The following CDH12 variants were observed in gnomAD, a reference collection of about 807,000 sequenced individuals.
CDH12 encodes cadherin 12, also known as cadherin-12.
In CDH12, 41 loss-of-function variants were observed where a neutral mutation model predicts 74.1. The observed-to-expected ratio is 0.55, with a 90% CI of 0.43 to 0.72. CDH12 has a LOEUF of 0.72. CDH12 is among the 30% of genes least tolerant of loss of function. CDH12 has a pLI of 0.00. For missense variants in CDH12, 945 were observed against 977.2 expected (o/e 0.97, Z 0.44); for synonymous variants, 399 against 355.0 (o/e 1.12, Z -1.39).
intron 3 of CDH12, among the ~76,000 whole-genome samples, chr5:22,241,481 C>G (rs1434620996): frequency 6.6e-6 from 1 of 151,904 alleles, no homozygotes; most frequent in Non-Finnish European, 1.5e-5. Flanking sequence ...AATTAGATTA[C>G]ACAAATATTT....
intron 2 of CDH12, among the ~76,000 whole-genome samples, chr5:22,428,499 T>C (rs139857334): frequency 5.3e-4 from 81 of 152,082 alleles, no homozygotes; most frequent in African/African-American, 1.9e-3. Context: ...GAGAAAGAGA[T>C]GTTGAAACTA....
In CDH12 at chr5:22,212,658, A is replaced by G; in HGVS notation, c.-332-15T>C. On this transcript the variant is annotated splice_polypyrimidine_tract_variant and intron_variant, in intron 3 of 14. Coordinates refer to ENST00000382254, the MANE Select transcript of CDH12 (RefSeq NM_004061.5). Reference sequence around the variant, plus strand: ...CTCCTCACTGTCTAAGGAGAGAAAAACATCAGCTGAAATCCTCCGAGGTTC... The same window carrying G: ...CTCCTCACTGTCTAAGGAGAGAAAAGCATCAGCTGAAATCCTCCGAGGTTC... 1.1e-6 allele frequency: 1 copy of G among 926,142 alleles called. No homozygotes were observed. 57.4% of individuals were successfully genotyped at this position (926,142 alleles called of 1,614,324 possible).
chr5:21,933,297 GA>G (rs2150083010), intron 6 of CDH12, among the ~76,000 whole-genome samples: 1 of 152,108 alleles, frequency 6.6e-6, no homozygotes, highest in East Asian at 1.9e-4. Flanking sequence ...TTAAATATGA[GA>G]CTAATAGGCT....
At chr5:22,315,411 T>A (rs1738590193) in intron 3 of CDH12, among the ~76,000 whole-genome samples, 1 of 152,098 alleles carries the variant, frequency 6.6e-6, no homozygotes, top group African/African-American at 2.4e-5. Flanking sequence ...TGTCTATTCA[T>A]TTCTATAAAT....
chr5:22,004,602 C>A (rs1736827065), intron 5 of CDH12, among the ~76,000 whole-genome samples: 1 of 152,166 alleles, frequency 6.6e-6, no homozygotes, highest in South Asian at 2.1e-4. Flanking sequence ...TTCTTTCAGT[C>A]CACATTGTTG....
intron 11 of CDH12, among the ~76,000 whole-genome samples, chr5:21,772,893 C>T (rs575944521): frequency 6.6e-6 from 1 of 152,076 alleles, no homozygotes; most frequent in African/African-American, 2.4e-5. Flanking sequence ...ATAAGCCTGG[C>T]ATTATAGTTG....
intron 5 of CDH12, among the ~76,000 whole-genome samples, chr5:22,037,448 A>C (rs1333989169): frequency 2.0e-5 from 3 of 152,194 alleles, no homozygotes; most frequent in Admixed American, 6.5e-5. Flanking sequence ...GTATTCAGGC[A>C]ACCCTTGTTT....
intron 2 of CDH12, among the ~76,000 whole-genome samples, chr5:22,479,084 T>A (rs1363120586): frequency 6.6e-6 from 1 of 152,214 alleles, no homozygotes; most frequent in Non-Finnish European, 1.5e-5. Context: ...AATAGATTCA[T>A]ATTTCAGATA....
chr5:22,242,956 C>T (rs1213772535), intron 3 of CDH12, among the ~76,000 whole-genome samples: 1 of 151,930 alleles, frequency 6.6e-6, no homozygotes, highest in Non-Finnish European at 1.5e-5. Context: ...ATTCCCCATC[C>T]CCGCTTTTTT....
intron 1 of CDH12, among the ~76,000 whole-genome samples, chr5:22,796,748 T>C (rs1045955727): frequency 6.9e-6 from 1 of 145,716 alleles, no homozygotes; most frequent in Admixed American, 6.9e-5. Context: ...TCTCGATCTC[T>C]TGACCTCGTG....
intron 11 of CDH12, among the ~76,000 whole-genome samples, chr5:21,781,100 G>A (rs912471463): frequency 3.3e-5 from 5 of 152,080 alleles, no homozygotes; most frequent in East Asian, 1.9e-4. Flanking sequence ...GAAAGAAGAC[G>A]GCAAGGCAGA....
chr5:22,154,238 G>C (rs1747846819), intron 4 of CDH12, among the ~76,000 whole-genome samples: 1 of 151,022 alleles, frequency 6.6e-6, no homozygotes, highest in Admixed American at 6.6e-5. Flanking sequence ...TTTTTGTGTA[G>C]TGAGAACATT....
intron 3 of CDH12, among the ~76,000 whole-genome samples, chr5:22,323,276 T>C (rs12522551): frequency 0.011 from 1,650 of 152,262 alleles, 91 homozygotes; most frequent in Admixed American, 0.085. Flanking sequence ...TCCTGTTATA[T>C]ATAATTCATA....
chr5:22,419,597 G>A lies in CDH12; in HGVS notation c.-427-14246C>T, dbSNP rs149663449. Among the ~76,000 whole-genome samples the A allele has an allele frequency of 8.7e-3, 1,319 of 152,218 alleles. 11 individuals are homozygous for A. The highest frequency in any genetic ancestry group is 0.011 in the South Asian group (55 of 4,822). The stretch of plus-strand genomic sequence containing the variant: ...CCATGCCTTTGTTATTGTAAATAGC[G>A]CTGCAGTGAACATACATGTGCTTGT... On this transcript the variant is annotated intron_variant, in intron 2 of 14. Coordinates refer to ENST00000382254, the MANE Select transcript of CDH12 (RefSeq NM_004061.5).
chr5:21,882,574 C>A, intron 6 of CDH12: 2 of 1,512,718 alleles, frequency 1.3e-6, no homozygotes, highest in Non-Finnish European at 1.8e-6. Flanking sequence ...TGCCCTGCAG[C>A]CGCCCCACAG....
intron 1 of CDH12, among the ~76,000 whole-genome samples, chr5:22,587,584 A>T (rs1740466610): frequency 6.6e-6 from 1 of 152,182 alleles, no homozygotes; most frequent in Admixed American, 6.5e-5. Context: ...TTGCCTCATT[A>T]GACCAAGTGG....
intron 1 of CDH12, among the ~76,000 whole-genome samples, chr5:22,680,701 T>C (rs190050353): frequency 3.9e-5 from 6 of 152,128 alleles, no homozygotes; most frequent in Middle Eastern, 3.4e-3. Flanking sequence ...ACAAAACACA[T>C]TGGGCAGCCA....
intron 1 of CDH12, among the ~76,000 whole-genome samples, chr5:22,607,001 A>T (rs1165673136): frequency 6.6e-6 from 1 of 152,218 alleles, no homozygotes; most frequent in Non-Finnish European, 1.5e-5. Context: ...TTGCTTTAGC[A>T]AACAGGCTAG....
intron 5 of CDH12, among the ~76,000 whole-genome samples, chr5:22,009,663 A>G (rs1186144068): frequency 1.3e-5 from 2 of 152,120 alleles, no homozygotes; most frequent in Non-Finnish European, 2.9e-5. Context: ...TTTTATTTTT[A>G]ATGTTATGTA....
Sources: allele counts gnomAD v4.1 joint callset (sites outside exome capture counted in the v4.1 genomes callset), GRCh38; gene constraint gnomAD v4.1.1; transcripts MANE v1.5; gene names NCBI Gene and HGNC (gene_info 2026-07-23, HGNC 2026-07-21).